SLC2A10: variants seen among roughly 807,000 people sequenced by gnomAD.
The protein encoded by SLC2A10 is solute carrier family 2, facilitated glucose transporter member 10.
Under a neutral mutation model 32.1 loss-of-function variants are expected in SLC2A10, and 25 were observed. That is an observed-to-expected ratio of 0.78 (90% CI 0.57 to 1.09). SLC2A10 has a LOEUF of 1.09. Ranked by LOEUF, SLC2A10 falls within the 50% of genes least tolerant of loss-of-function variation. The probability of loss-of-function intolerance (pLI) is 0.00; values close to 1 mark genes in which losing one functional copy is unlikely to be tolerated. For synonymous variants in SLC2A10, 332 were observed against 309.6 expected (o/e 1.07, Z -0.76); for missense variants, 673 against 686.5 (o/e 0.98, Z 0.22).
In SLC2A10 at chr20:46,725,422, C is replaced by T. The variant is rs1979842244; in HGVS notation, c.386C>T (p.Pro129Leu). The change falls in exon 2 of 5, where the codon CCA becomes CTA. Residue 129 changes from proline (P) to leucine (L), a missense_variant. Coordinates refer to ENST00000359271, the MANE Select transcript of SLC2A10 (RefSeq NM_030777.4). Reference protein sequence around the residue: ...CCIYVSELVGPRQRGVLVSLY... With the variant: ...CCIYVSELVGLRQRGVLVSLY... ...ATCTACGTGTCAGAGCTGGTGGGGC[C>T]ACGGCAGCGGGGAGTGCTGGTGTCC... is the stretch of plus-strand genomic sequence containing the variant. 1 of 1,614,170 alleles carries T rather than the reference C, an allele frequency of 6.2e-7. No homozygotes were observed.
intron 1 of SLC2A10, 97 bp downstream of exon 1, chr20:46,709,837 TC>T: frequency 2.1e-6 from 3 of 1,426,940 alleles, no homozygotes; most frequent in South Asian, 1.2e-5. Context: ...GCCCCCTGGC[TC>T]CCCCAGGGCC....
rs1414121192 is a variant in SLC2A10 at position 46,725,819 on chromosome 20, T to C, written c.783T>C (p.Val261=). ...LCYASTIFSS[V]GFHGGSSAVL... is the part of the protein sequence containing the mutation. ...ATGCCTCCACCATCTTCAGCTCCGT[T>C]GGTTTCCATGGGGGATCCTCAGCCG... The change falls in exon 2 of 5, where the codon GTT becomes GTC. Residue 261 remains valine, a synonymous_variant. Transcript: ENST00000359271. 1.2e-6 allele frequency: 2 copies of C among 1,614,124 alleles called. No individual in the cohort carries two copies. Among genetic ancestry groups the C allele is most frequent in the African/African-American group, 2.7e-5 (2 of 74,952 alleles).
At chr20:46,729,705 C>T (rs919591080) in intron 4 of SLC2A10, among the ~76,000 whole-genome samples, 1 of 132,552 alleles carries the variant, frequency 7.5e-6, no homozygotes, top group Non-Finnish European at 1.6e-5. Context: ...GCAGTGGCGC[C>T]ATCTCGGCTC....
rs35833600 is a variant in SLC2A10 at position 46,726,050 on chromosome 20, G to C, written c.1014G>C (p.Gln338His). ...TGGCTGTGCCCAATGCCACCGGGCA[G>C]ACAGGCCTCCCTGGAGACTCTGGCC... Reference protein sequence around the residue: ...SCLAVPNATGQTGLPGDSGLL... With the variant: ...SCLAVPNATGHTGLPGDSGLL... Residue 338 changes from glutamine to histidine, a missense_variant, in exon 2 of 5, where the codon CAG (glutamine) becomes CAC (histidine). By Grantham distance (24) the Gln-to-His change is conservative. Transcript: ENST00000359271. 3.5e-5 allele frequency: 57 copies of C among 1,614,086 alleles called. 1 individual carries two copies. In the East Asian group the frequency reaches 1.2e-3, roughly 35 times the overall value.
chr20:46,729,625 G>GTTTTTTTTTTTTT (rs68037732), intron 4 of SLC2A10, 137 bp downstream of exon 4: 4 of 318,256 alleles, frequency 1.3e-5, no homozygotes, highest in Non-Finnish European at 2.2e-5. Flanking sequence ...GGCACTATGA[G>GTTTTTTTTTTTTT]TTTTTTTTTT....
At position 46,725,852 on chromosome 20, in the gene SLC2A10, C is replaced by G. The variant is rs148058006; in HGVS notation, c.816C>G (p.Ala272=). ...GFHGGSSAVL[A]SVGLGAVKVA... is the part of the protein sequence containing the mutation. ...ATGGGGGATCCTCAGCCGTGCTGGC[C>G]TCTGTGGGGCTTGGCGCAGTGAAGG... The change falls in exon 2 of 5, where the codon GCC becomes GCG. Residue 272 remains alanine, a synonymous_variant. Coordinates refer to ENST00000359271, the MANE Select transcript of SLC2A10 (RefSeq NM_030777.4). The G allele has an allele frequency of 1.2e-3, 1,972 of 1,614,252 alleles. 4 individuals carry two copies. The highest frequency in any genetic ancestry group is 1.5e-3 in the Non-Finnish European group (1,718 of 1,180,038).
chr20:46,723,208 A>G (rs1307793248), intron 1 of SLC2A10, among the ~76,000 whole-genome samples: 1 of 152,102 alleles, frequency 6.6e-6, no homozygotes, highest in East Asian at 1.9e-4. Context: ...ACCCCCCATC[A>G]TGTTCCAAGA....
intron 1 of SLC2A10, among the ~76,000 whole-genome samples, chr20:46,715,211 T>G (rs1169927121): frequency 6.6e-6 from 1 of 150,762 alleles, no homozygotes; most frequent in East Asian, 2.0e-4. Flanking sequence ...ATGATAGCTG[T>G]TATTATTACT....
rs755654519 is a variant in SLC2A10, at chr20:46,726,223, C to T, written c.1187C>T (p.Pro396Leu). ...PPRLALSSAL[P>L]GPPLPARGHA... ...CGGCTGGCCCTGAGCTCTGCCCTCC[C>T]TGGGCCCCCTCTGCCCGCTCGGGGG... The change falls in exon 2 of 5, where the codon CCT becomes CTT. Residue 396 changes from proline (P) to leucine (L), a missense_variant. Physicochemically the swap from Pro to Leu is moderately conservative, Grantham distance 98. Transcript: ENST00000359271. 2.9e-5 allele frequency: 46 copies of T among 1,614,028 alleles called. No individual in the cohort carries two copies. In the Admixed American group the frequency reaches 7.5e-4, roughly 26 times the overall value.
intron 1 of SLC2A10, 99 bp downstream of exon 1, chr20:46,709,839 C>CCCCAGGGCCGCCCCGGCCGGATACCG: frequency 7.1e-7 from 1 of 1,413,526 alleles, no homozygotes; most frequent in African/African-American, 1.4e-5. Context: ...CCCCTGGCTC[C>CCCCAGGGCCGCCCCGGCCGGATACCG]CCCAGGGCCG....
chr20:46,730,582 G>T (rs1980243981), intron 4 of SLC2A10, among the ~76,000 whole-genome samples: 1 of 152,154 alleles, frequency 6.6e-6, no homozygotes, highest in African/African-American at 2.4e-5. Flanking sequence ...CCCTGAGGTG[G>T]GCATGTATCT....
Position 46,735,609 on chromosome 20 carries a change from C to T in SLC2A10, c.*1775C>T, listed in dbSNP as rs891317724. 1 of 152,152 alleles carries T rather than the reference C, an allele frequency of 6.6e-6. No individual in the cohort carries two copies. The highest frequency in any genetic ancestry group is 2.4e-5 in the African/African-American group (1 of 41,436). The allele number at this position is 152,152 out of a possible 1,614,324, so 9.4% of individuals were successfully genotyped here. The stretch of plus-strand genomic sequence containing the variant: ...CCCCACTCAATGACATCATGTTAGT[C>T]TTTGGTTGCTTAACTGGCTGTGGGG... On this transcript the variant is annotated 3_prime_UTR_variant, in exon 5 of 5. Transcript: ENST00000359271.
chr20:46,709,750 G>A lies in SLC2A10; in HGVS notation c.4+10G>A, dbSNP rs1978796306. 2.6e-6 allele frequency: 4 copies of A among 1,547,600 alleles called. No homozygotes were observed. Among genetic ancestry groups the A allele is most frequent in the Non-Finnish European group, 3.5e-6 (4 of 1,146,244 alleles). Reference sequence around the variant, plus strand: ...GTCCCGCTCGCCATGGGTAAGTCCCGATCGGGCGCTGCCTGCTGGAAGCCC... The same window carrying A: ...GTCCCGCTCGCCATGGGTAAGTCCCAATCGGGCGCTGCCTGCTGGAAGCCC... On this transcript the variant is annotated intron_variant, in intron 1 of 4. Transcript: ENST00000359271.
At chr20:46,728,958 T>C (rs575668863) in intron 3 of SLC2A10, among the ~76,000 whole-genome samples, 45 of 151,614 alleles carry the variant, frequency 3.0e-4, no homozygotes, top group Admixed American at 1.2e-3. Flanking sequence ...TTTTTTTTTT[T>C]CAAACTGAGA....
intron 1 of SLC2A10, chr20:46,710,149 G>A (rs148240568): frequency 0.018 from 7,731 of 429,750 alleles, 154 homozygotes; most frequent in Middle Eastern, 0.036. Flanking sequence ...TGGGCCTGGG[G>A]ACGCTGTCGC....
In SLC2A10 at chr20:46,729,485, G is replaced by A; in HGVS notation, c.1544G>A (p.Arg515Lys). Residue 515 changes from arginine to lysine, a missense_variant, in exon 4 of 5, where the codon AGA becomes AAA. Transcript: ENST00000359271. ...LAEIDQQFQK[R>K]RFTLSFGHRQ... ...GAGATAGACCAGCAGTTCCAGAAGA[G>A]ACGGTAGGAAGCTGACAGGGTGGGT... 6.2e-7 allele frequency: 1 copy of A among 1,614,154 alleles called. No individual in the cohort carries two copies.
upstream of SLC2A10, chr20:46,709,348 G>T (rs1169592704): frequency 3.4e-6 from 1 of 297,186 alleles, no homozygotes; most frequent in Non-Finnish European, 6.1e-6. Flanking sequence ...TCCCTGCAAA[G>T]AGGCCAGGGG....
chr20:46,731,635 G>A (rs944745347), intron 4 of SLC2A10, among the ~76,000 whole-genome samples: 5 of 152,154 alleles, frequency 3.3e-5, no homozygotes, highest in African/African-American at 9.7e-5. Flanking sequence ...GGGGACTGGA[G>A]GCTGGGTCTG....
At chr20:46,709,589 G>T (rs1003183218), upstream of SLC2A10, 60 of 1,027,526 alleles carry the variant, frequency 5.8e-5, no homozygotes, top group African/African-American at 6.0e-4. Flanking sequence ...TGGCGTTGGC[G>T]GCGCTGCGCG....
Sources: gnomAD v4.1 joint callset for allele counts (sites outside exome capture counted in the v4.1 genomes callset) on GRCh38, gnomAD v4.1.1 for gene constraint, MANE v1.5 for transcripts, NCBI Gene and HGNC (gene_info 2026-07-23, HGNC 2026-07-21) for gene names.